The following TBC1D1 variants were observed in gnomAD, a reference collection of about 807,000 sequenced individuals.
TBC1D1 encodes the protein TBC1 domain family member 1, also known as TBC1 (tre-2/USP6, BUB2, cdc16) domain family, member 1.
In TBC1D1, 89 loss-of-function variants were observed where a neutral mutation model predicts 125.6. The observed-to-expected ratio is 0.71, with a 90% CI of 0.60 to 0.85. The LOEUF is 0.85. TBC1D1 is among the 40% of genes least tolerant of loss of function. The pLI is 0.00. For synonymous variants in TBC1D1, 565 were observed against 564.1 expected (o/e 1.00, Z -0.02); for missense variants, 1,377 against 1,469.2 (o/e 0.94, Z 1.03).
chr4:37,979,102 C>T (rs1240377269), intron 2 of TBC1D1, among the ~76,000 whole-genome samples: 1 of 152,140 alleles, frequency 6.6e-6, no homozygotes, highest in Non-Finnish European at 1.5e-5. Flanking sequence ...GTCTCGAACT[C>T]CTGGGCTGAA....
chr4:37,975,642 C>G (rs182290833), intron 2 of TBC1D1, among the ~76,000 whole-genome samples: 1 of 152,350 alleles, frequency 6.6e-6, no homozygotes, highest in East Asian at 1.9e-4. Context: ...CCAAGGAGCC[C>G]TCCTGGTGGC....
At chr4:37,933,285 A>G (rs1345007729) in intron 2 of TBC1D1, among the ~76,000 whole-genome samples, 1 of 152,060 alleles carries the variant, frequency 6.6e-6, no homozygotes, top group Non-Finnish European at 1.5e-5. Flanking sequence ...GCACCTACAT[A>G]TTTACACACA....
chr4:38,094,948 T>C (rs1759083596), intron 13 of TBC1D1, among the ~76,000 whole-genome samples: 1 of 152,044 alleles, frequency 6.6e-6, no homozygotes, highest in African/African-American at 2.4e-5. Flanking sequence ...ACATTTTTCT[T>C]GGTTAAATAA....
intron 7 of TBC1D1, among the ~76,000 whole-genome samples, chr4:38,029,319 C>T (rs983906518): frequency 6.6e-5 from 10 of 152,120 alleles, no homozygotes; most frequent in African/African-American, 2.2e-4. Context: ...CTAGGATCCA[C>T]GATCTGCTTT....
At chr4:38,041,191 C>T (rs1344492341) in intron 8 of TBC1D1, among the ~76,000 whole-genome samples, 1 of 152,054 alleles carries the variant, frequency 6.6e-6, no homozygotes, top group Non-Finnish European at 1.5e-5. Flanking sequence ...TTTCATTATT[C>T]AAAGAAGACA....
At chr4:37,892,678 T>G (rs2152199612) in intron 1 of TBC1D1, among the ~76,000 whole-genome samples, 1 of 152,350 alleles carries the variant, frequency 6.6e-6, no homozygotes, top group South Asian at 2.1e-4. Flanking sequence ...CGTCTCCTTG[T>G]CATAGTCTAT....
In TBC1D1 at chr4:37,995,456, C is replaced by G; in HGVS notation, c.418-19053C>G. The G allele has an allele frequency of 4.9e-6, 1 of 203,002 alleles. No individual in the cohort carries two copies. Among genetic ancestry groups the G allele is most frequent in the East Asian group, 1.4e-4 (1 of 7,062 alleles). The allele number at this position is 203,002 out of a possible 1,614,324, so 12.6% of individuals were successfully genotyped here. A position where few individuals can be genotyped will look rare whatever the true frequency, so the allele number is the denominator to read the frequency against. ...TGAGGTTTCTTTCCCCGCCCCCTCA[C>G]AAAGTATAGATCATTTGTTTTCCTT... On this transcript the variant is annotated intron_variant, in intron 2 of 19. Coordinates refer to ENST00000261439, the MANE Select transcript of TBC1D1 (RefSeq NM_015173.4). This position sits in a 1 kb window ranked among gnomAD's most constrained non-coding sequence, Gnocchi z 4.3.
At chr4:38,072,404 T>C (rs1024094777) in intron 12 of TBC1D1, among the ~76,000 whole-genome samples, 2 of 152,270 alleles carry the variant, frequency 1.3e-5, no homozygotes, top group African/African-American at 4.8e-5. Flanking sequence ...TGCCTCATTT[T>C]GGCCTGTGGC....
Position 38,039,104 on chromosome 4 carries a change from CTTTTTTT to C in TBC1D1, c.1413+3431_1413+3437del, listed in dbSNP as rs776941680. On this transcript the variant is annotated intron_variant, in intron 8 of 19. Coordinates refer to ENST00000261439, the MANE Select transcript of TBC1D1 (RefSeq NM_015173.4). ...AATTTCTTATAAATGGCATCATACTCTTTTTTTTTTTTTTTTTTTTTTTTTTTTTTTG... is the reference window on the plus strand; with the variant it reads ...AATTTCTTATAAATGGCATCATACTCTTTTTTTTTTTTTTTTTTTTTTTTG... Among the ~76,000 whole-genome samples, 17 of 51,580 alleles carry C rather than the reference CTTTTTTT, an allele frequency of 3.3e-4. No homozygotes were observed. In the East Asian group the frequency reaches 5.9e-3, roughly 18 times the overall value. The allele number at this position is 51,580 out of a possible 152,430, so 33.8% of individuals were successfully genotyped here.
chr4:38,063,093 T>C (rs1753066792), intron 12 of TBC1D1, among the ~76,000 whole-genome samples: 1 of 152,208 alleles, frequency 6.6e-6, no homozygotes, highest in South Asian at 2.1e-4. Flanking sequence ...CTGTTAACCT[T>C]TGAATTTTAA....
chr4:38,036,388 A>G (rs1235710348), intron 8 of TBC1D1, among the ~76,000 whole-genome samples: 2 of 152,222 alleles, frequency 1.3e-5, no homozygotes, highest in Non-Finnish European at 2.9e-5. Context: ...GTCCATTCAT[A>G]ATGAACCATT....
At chr4:38,090,208 A>G in intron 13 of TBC1D1, 91 bp downstream of exon 15, 4 of 1,260,648 alleles carry the variant, frequency 3.2e-6, no homozygotes, top group Non-Finnish European at 4.6e-6. Context: ...TCTTAAAAAT[A>G]CAGCAGCACG....
intron 2 of TBC1D1, among the ~76,000 whole-genome samples, chr4:37,910,253 T>A (rs547465057): frequency 1.1e-3 from 175 of 152,300 alleles, no homozygotes; most frequent in Middle Eastern, 3.4e-3. Context: ...ACTTGCATCT[T>A]AGGGAGATTT....
chr4:38,095,104 G>A (rs1393833392), intron 13 of TBC1D1, among the ~76,000 whole-genome samples: 2 of 152,066 alleles, frequency 1.3e-5, no homozygotes, highest in African/African-American at 4.8e-5. Context: ...GAGTACGAGG[G>A]AAAAGATTAA....
intron 2 of TBC1D1, among the ~76,000 whole-genome samples, chr4:37,973,209 C>T (rs1446089366): frequency 3.3e-5 from 5 of 152,138 alleles, no homozygotes; most frequent in East Asian, 3.9e-4. Flanking sequence ...CAGAGAAAGA[C>T]CCCTGTGTGC....
chr4:37,961,162 C>G (rs1434821856), intron 2 of TBC1D1: 1 of 1,070,958 alleles, frequency 9.3e-7, no homozygotes, highest in African/African-American at 1.6e-5. Flanking sequence ...GCATCTGTCT[C>G]AGCTGTCCCT....
At chr4:37,911,131 C>CTTTT (rs71658745) in intron 2 of TBC1D1, among the ~76,000 whole-genome samples, 15 of 94,916 alleles carry the variant, frequency 1.6e-4, no homozygotes, top group East Asian at 3.3e-4. Flanking sequence ...TCCCCTCCTC[C>CTTTT]TTTTTTTTTT....
At chr4:38,105,835 A>G (rs1418829476) in intron 15 of TBC1D1, among the ~76,000 whole-genome samples, 1 of 152,168 alleles carries the variant, frequency 6.6e-6, no homozygotes, top group East Asian at 1.9e-4. Context: ...TATCCGGTTC[A>G]CTGTTACTGG....
intron 2 of TBC1D1, among the ~76,000 whole-genome samples, chr4:37,926,053 C>A (rs938854155): frequency 6.6e-6 from 1 of 152,190 alleles, no homozygotes; most frequent in Admixed American, 6.5e-5. Context: ...CTATGATTAT[C>A]CATCATCATT....
Sources: allele counts gnomAD v4.1 joint callset (sites outside exome capture counted in the v4.1 genomes callset), GRCh38; gene constraint gnomAD v4.1.1; non-coding constraint Gnocchi (gnomAD v3.1); transcripts MANE v1.5; gene names NCBI Gene and HGNC (gene_info 2026-07-23, HGNC 2026-07-21).